FGD4: variants seen among roughly 807,000 people sequenced by gnomAD.
FGD4 encodes FYVE, RhoGEF and PH domain-containing protein 4.
Under a neutral mutation model 102.0 loss-of-function variants are expected in FGD4, and 42 were observed. The observed-to-expected ratio is 0.41, with a 90% CI of 0.32 to 0.53. FGD4 has a LOEUF of 0.53. Among genes scored for constraint, FGD4 ranks in the 20% least tolerant of loss-of-function variants. The pLI, the probability that FGD4 is intolerant of heterozygous loss-of-function variation, is 0.21. For synonymous variants in FGD4, 380 were observed against 375.7 expected (o/e 1.01, Z -0.13); for missense variants, 902 against 1,078.2 (o/e 0.84, Z 2.29).
At chr12:32,533,673 C>T (rs1299493621) in intron 1 of FGD4, among the ~76,000 whole-genome samples, 2 of 152,236 alleles carry the variant, frequency 1.3e-5, no homozygotes, top group Non-Finnish European at 2.9e-5. Context: ...GATCCACCCA[C>T]CTCGGCGTGC....
chr12:32,519,708 C>G (rs1940300433), intron 1 of FGD4, among the ~76,000 whole-genome samples: 2 of 152,192 alleles, frequency 1.3e-5, no homozygotes, highest in African/African-American at 2.4e-5. Context: ...GAGGCCAAGG[C>G]AGGCAGATCA....
At chr12:32,601,205 C>A in intron 5 of FGD4, 73 bp from the exon 6 acceptor site, 2 of 1,505,028 alleles carry the variant, frequency 1.3e-6, no homozygotes, top group Non-Finnish European at 1.8e-6. Flanking sequence ...TAAGAGCCCA[C>A]TATGTGCCTA....
chr12:32,456,360 C>CAGTT (rs989213380), intron 1 of FGD4, among the ~76,000 whole-genome samples: 6 of 152,154 alleles, frequency 3.9e-5, no homozygotes, highest in Admixed American at 3.9e-4. Flanking sequence ...AGTGGATGAA[C>CAGTT]AGTTACCCTT....
At chr12:32,462,491 G>GT (rs1253625510) in intron 1 of FGD4, among the ~76,000 whole-genome samples, 1 of 152,048 alleles carries the variant, frequency 6.6e-6, no homozygotes, top group African/African-American at 2.4e-5. Context: ...ACAGCCCAGT[G>GT]TAACACTGTG....
chr12:32,492,716 T>TATA (rs775410155), intron 1 of FGD4, among the ~76,000 whole-genome samples: 1 of 152,228 alleles, frequency 6.6e-6, no homozygotes, highest in Non-Finnish European at 1.5e-5. Context: ...GGAAAAGATA[T>TATA]CATCAGGAGT....
At chr12:32,626,396 A>G (rs1040582049) in intron 14 of FGD4, among the ~76,000 whole-genome samples, 5 of 150,286 alleles carry the variant, frequency 3.3e-5, no homozygotes, top group African/African-American at 1.2e-4. Flanking sequence ...GTGAGCTGAG[A>G]TCGCACCATT....
chr12:32,629,690 G>A (rs538541179), intron 14 of FGD4, among the ~76,000 whole-genome samples: 3 of 151,568 alleles, frequency 2.0e-5, no homozygotes, highest in Non-Finnish European at 2.9e-5. Context: ...TTCATTTACT[G>A]TTCAGTTGTA....
In FGD4 at chr12:32,644,537, C is replaced by T. The variant is rs569741105; in HGVS notation, c.*4004C>T. The T allele has an allele frequency of 6.6e-6, 1 of 151,902 alleles. No homozygotes were observed. The highest frequency in any genetic ancestry group is 2.4e-5 in the African/African-American group (1 of 41,332). 9.4% of individuals were successfully genotyped at this position (151,902 alleles called of 1,614,324 possible). A position where few individuals can be genotyped will look rare whatever the true frequency, so the allele number is the denominator to read the frequency against. On this transcript the variant is annotated 3_prime_UTR_variant, in exon 17 of 17. Transcript: ENST00000534526. ...CATGGATCTTTATGTATAATTCATCCTTATATATACCCCTTAATCACGTAG... is the reference window on the plus strand; with the variant it reads ...CATGGATCTTTATGTATAATTCATCTTTATATATACCCCTTAATCACGTAG...
In FGD4 at chr12:32,642,060, T is replaced by A. The variant is rs1951180410; in HGVS notation, c.*1527T>A. The A allele has an allele frequency of 6.6e-6, 1 of 152,154 alleles. No individual in the cohort carries two copies. Among genetic ancestry groups the A allele is most frequent in the Admixed American group, 6.5e-5 (1 of 15,272 alleles). 9.4% of individuals were successfully genotyped at this position (152,154 alleles called of 1,614,324 possible). On this transcript the variant is annotated 3_prime_UTR_variant, in exon 17 of 17. Coordinates refer to ENST00000534526, the MANE Select transcript of FGD4 (RefSeq NM_001370298.3). ...ATAGAATTTGAGACTGCCACACATTTATTCAGGCCTTGTTACTTTAAGAAA... is the reference window on the plus strand; with the variant it reads ...ATAGAATTTGAGACTGCCACACATTAATTCAGGCCTTGTTACTTTAAGAAA...
intron 1 of FGD4, among the ~76,000 whole-genome samples, chr12:32,489,508 T>C (rs1219850888): frequency 6.6e-6 from 1 of 152,240 alleles, no homozygotes; most frequent in Non-Finnish European, 1.5e-5. Context: ...CCTATGACTT[T>C]CCATAGCAGA....
chr12:32,630,675 G>A (rs1950448179), intron 14 of FGD4, among the ~76,000 whole-genome samples: 1 of 152,104 alleles, frequency 6.6e-6, no homozygotes, highest in African/African-American at 2.4e-5. Flanking sequence ...AATTAGCTGG[G>A]TGTGGTGGCA....
At chr12:32,524,107 G>A (rs535783537) in intron 1 of FGD4, among the ~76,000 whole-genome samples, 3 of 150,930 alleles carry the variant, frequency 2.0e-5, no homozygotes, top group Non-Finnish European at 4.4e-5. Flanking sequence ...TTAGAAGTAA[G>A]ATAAATTGGC....
chr12:32,530,948 T>G (rs925104439), intron 1 of FGD4, among the ~76,000 whole-genome samples: 8 of 124,612 alleles, frequency 6.4e-5, no homozygotes, highest in African/African-American at 1.0e-4. Context: ...TTGGTTTTTT[T>G]TTTTTTTTTT....
At chr12:32,410,345 C>T (rs1941151286) in intron 1 of FGD4, among the ~76,000 whole-genome samples, 1 of 150,864 alleles carries the variant, frequency 6.6e-6, no homozygotes, top group Non-Finnish European at 1.5e-5. Flanking sequence ...AAAAAATTGC[C>T]AGTATGGCCC....
At chr12:32,411,312 G>A (rs1378291763) in intron 1 of FGD4, among the ~76,000 whole-genome samples, 2 of 151,546 alleles carry the variant, frequency 1.3e-5, no homozygotes, top group African/African-American at 4.8e-5. Context: ...CGAGGCGGAC[G>A]GATCACGACG....
chr12:32,503,522 G>C (rs1938414755), intron 1 of FGD4, among the ~76,000 whole-genome samples: 1 of 152,178 alleles, frequency 6.6e-6, no homozygotes, highest in Non-Finnish European at 1.5e-5. Context: ...AGGCCAGACA[G>C]TTGTGAGTTC....
At chr12:32,446,306 G>C (rs377546601) in intron 1 of FGD4, among the ~76,000 whole-genome samples, 2 of 152,038 alleles carry the variant, frequency 1.3e-5, no homozygotes, top group South Asian at 4.1e-4. Context: ...TGCACTGCTA[G>C]GGTCTGAGTG....
At chr12:32,620,520 C>CTTTCTTTTTTTCTTTTTTTT (rs1949747434) in intron 11 of FGD4, among the ~76,000 whole-genome samples, 1 of 91,136 alleles carries the variant, frequency 1.1e-5, no homozygotes, top group Admixed American at 1.4e-4. Flanking sequence ...TTTTTTCTTT[C>CTTTCTTTTTTTCTTTTTTTT]TTTTTTTTTT....
chr12:32,420,456 C>G (rs1238911978), intron 1 of FGD4, among the ~76,000 whole-genome samples: 1 of 152,090 alleles, frequency 6.6e-6, no homozygotes, highest in Non-Finnish European at 1.5e-5. Context: ...TCAGTCTTTC[C>G]TTCTGTGCTG....
Sources: gnomAD v4.1 joint callset for allele counts (sites outside exome capture counted in the v4.1 genomes callset) on GRCh38, gnomAD v4.1.1 for gene constraint, MANE v1.5 for transcripts, NCBI Gene and HGNC (gene_info 2026-07-23, HGNC 2026-07-21) for gene names.